Variants in WWOX observed in about 807,000 individuals in gnomAD.
WWOX encodes the protein WW domain containing oxidoreductase.
WWOX carries 69 observed loss-of-function variants against 46.2 expected under a neutral mutation model. The ratio of observed to expected loss-of-function variants is 1.49; its 90% CI spans 1.23 to 1.82. WWOX has a LOEUF of 1.82. Among genes scored for constraint, WWOX ranks in the 40% most tolerant of loss-of-function variants. The pLI, the probability that WWOX is intolerant of heterozygous loss-of-function variation, is 0.00. For missense variants in WWOX, 919 were observed against 542.6 expected, an observed-to-expected ratio of 1.69 and a Z score of -6.89; for synonymous variants, 359 against 202.6, an observed-to-expected ratio of 1.77 and a Z score of -6.56.
chr16:79,060,913 C>A (rs925738306), intron 8 of WWOX, among the ~76,000 whole-genome samples: 1 of 152,134 alleles, frequency 6.6e-6, no homozygotes, highest in Non-Finnish European at 1.5e-5. Flanking sequence ...TTCCATCCAC[C>A]CAAAAGCACT....
At chr16:78,285,897 C>G (rs147105625) in intron 5 of WWOX, among the ~76,000 whole-genome samples, 1 of 152,224 alleles carries the variant, frequency 6.6e-6, no homozygotes, top group African/African-American at 2.4e-5. Context: ...TCTTGTAAAG[C>G]CAGCCTCTTT....
chr16:78,967,621 T>G (rs2046388080), intron 8 of WWOX, among the ~76,000 whole-genome samples: 1 of 151,970 alleles, frequency 6.6e-6, no homozygotes, highest in South Asian at 2.1e-4. Context: ...ATGTAGACTT[T>G]TAAAGAAATA....
At chr16:78,290,496 G>T (rs1017758779) in intron 5 of WWOX, among the ~76,000 whole-genome samples, 5 of 152,150 alleles carry the variant, frequency 3.3e-5, no homozygotes, top group African/African-American at 9.7e-5. Context: ...TCAAACTCCT[G>T]TTGTTCGGTA....
Position 78,415,559 on chromosome 16 carries a change from C to T in WWOX, c.606-9311C>T, listed in dbSNP as rs186374365. Among the ~76,000 whole-genome samples, 13 of 152,282 alleles carry T rather than the reference C, an allele frequency of 8.5e-5. No homozygotes were observed. In the East Asian group the frequency reaches 2.3e-3, roughly 27 times the overall value. On this transcript the variant is annotated intron_variant, in intron 6 of 8. Coordinates refer to ENST00000566780, the MANE Select transcript of WWOX (RefSeq NM_016373.4). The stretch of plus-strand genomic sequence containing the variant: ...TCTGGTTTGAATGCTTCTGACAAAC[C>T]TCTGAGACTAAGGACAAGATGGAGT...
At chr16:79,118,857 C>A (rs904305300) in intron 8 of WWOX, among the ~76,000 whole-genome samples, 1 of 152,172 alleles carries the variant, frequency 6.6e-6, no homozygotes, top group African/African-American at 2.4e-5. Flanking sequence ...TTCTTAACTG[C>A]AATTCTTAGT....
rs116167381 is a variant in WWOX at position 78,755,993 on chromosome 16, C to A, written c.1056+323241C>A. Among the ~76,000 whole-genome samples the A allele has an allele frequency of 7.3e-3, 1,111 of 152,224 alleles. 10 individuals are homozygous for A. Among genetic ancestry groups the A allele is most frequent in the African/African-American group, 0.025 (1,033 of 41,542 alleles). On this transcript the variant is annotated intron_variant, in intron 8 of 8. Transcript: ENST00000566780. ...GCCTGTAAGAAATGATGGCTTTTTG[C>A]TTGTATGACCAAGTCTCTTGGAGAC...
chr16:78,966,193 G>T (rs1050536636), intron 8 of WWOX, among the ~76,000 whole-genome samples: 1 of 152,068 alleles, frequency 6.6e-6, no homozygotes, highest in Non-Finnish European at 1.5e-5. Flanking sequence ...AAATATCTCA[G>T]GAACAAAAAA....
At chr16:78,250,239 T>G (rs2037947938) in intron 5 of WWOX, among the ~76,000 whole-genome samples, 1 of 152,172 alleles carries the variant, frequency 6.6e-6, no homozygotes. Context: ...TCTGGCACAT[T>G]AGCGAGAGCT....
At chr16:78,383,132 C>T (rs1397365898) in intron 5 of WWOX, among the ~76,000 whole-genome samples, 1 of 151,350 alleles carries the variant, frequency 6.6e-6, no homozygotes, top group Non-Finnish European at 1.5e-5. Context: ...ATCCAATCAC[C>T]TCCCACCAGG....
At chr16:78,436,844 G>T (rs187815044) in intron 8 of WWOX, among the ~76,000 whole-genome samples, 4 of 152,180 alleles carry the variant, frequency 2.6e-5, no homozygotes, top group African/African-American at 9.7e-5. Context: ...CATTGCTTCC[G>T]TCAGGATAAT....
At chr16:78,231,920 T>C (rs9934879) in intron 5 of WWOX, among the ~76,000 whole-genome samples, 1,792 of 152,160 alleles carry the variant, frequency 0.012, 35 homozygotes, top group African/African-American at 0.041. Flanking sequence ...CTGCACAATA[T>C]GGAATTCAGT....
chr16:78,140,462 G>T (rs992180539), intron 4 of WWOX, among the ~76,000 whole-genome samples: 1 of 152,148 alleles, frequency 6.6e-6, no homozygotes, highest in Non-Finnish European at 1.5e-5. Flanking sequence ...GAGGCTAGAA[G>T]TCTGAAATCA....
At chr16:78,880,440 C>T (rs568712190) in intron 8 of WWOX, among the ~76,000 whole-genome samples, 4 of 152,236 alleles carry the variant, frequency 2.6e-5, no homozygotes, top group South Asian at 2.1e-4. Context: ...ATTCGGTATA[C>T]GAAAGTATAT....
chr16:78,683,278 AG>A (rs2047772697), intron 8 of WWOX, among the ~76,000 whole-genome samples: 1 of 151,538 alleles, frequency 6.6e-6, no homozygotes, highest in Admixed American at 6.6e-5. Context: ...TGGGAGGCTG[AG>A]GTGGGTGGAT....
At position 78,144,429 on chromosome 16, in the gene WWOX, C is replaced by CTATATATATATATATACGTATATATA. The variant is rs1300458731; in HGVS notation, c.410-19738_410-19737insCGTATATATATATATATATATATATA. On this transcript the variant is annotated intron_variant, in intron 4 of 8. Transcript: ENST00000566780. The stretch of plus-strand genomic sequence containing the variant: ...GGTGCAAACGTGGTTTTTGCCATTA[C>CTATATATATATATATACGTATATATA]TATATATATATATATATACACATAT... Among the ~76,000 whole-genome samples, 24 of 15,396 alleles carry CTATATATATATATATACGTATATATA rather than the reference C, an allele frequency of 1.6e-3. 3 individuals carry two copies. The highest frequency in any genetic ancestry group is 1.9e-3 in the Non-Finnish European group (17 of 8,856). The allele number at this position is 15,396 out of a possible 152,430, so 10.1% of individuals were successfully genotyped here. A position where few individuals can be genotyped will look rare whatever the true frequency, so the allele number is the denominator to read the frequency against.
At position 78,527,780 on chromosome 16, in the gene WWOX, G is replaced by C. The variant is rs535389163; in HGVS notation, c.1056+95028G>C. 7.2e-5 allele frequency among the ~76,000 whole-genome samples: 11 copies of C among 151,796 alleles called. No individual in the cohort carries two copies. In the South Asian group the frequency reaches 2.3e-3, roughly 32 times the overall value. ...GCCAGGGAATGCATGTCAATATCTG[G>C]AGACATCTGGGGTTGTCAGTTCAGG... On this transcript the variant is annotated intron_variant, in intron 8 of 8. Transcript: ENST00000566780.
At chr16:78,963,770 C>G (rs1002295677) in intron 8 of WWOX, among the ~76,000 whole-genome samples, 3 of 152,178 alleles carry the variant, frequency 2.0e-5, no homozygotes, top group African/African-American at 7.2e-5. Flanking sequence ...CTTAAAGGTG[C>G]TACTGACTTG....
At position 78,887,077 on chromosome 16, in the gene WWOX, G is replaced by GTGGT. The variant is rs1555559537; in HGVS notation, c.1057-324531_1057-324530insTGGT. On this transcript the variant is annotated intron_variant, in intron 8 of 8. Coordinates refer to ENST00000566780, the MANE Select transcript of WWOX (RefSeq NM_016373.4). ...AGTCTGGCTATATGTGTGTGTGTGT[G>GTGGT]GTGTGTGTGTGTGTGTGTGTGTGTG... 6.8e-4 allele frequency among the ~76,000 whole-genome samples: 42 copies of GTGGT among 61,374 alleles called. 1 individual carries two copies. Among genetic ancestry groups the GTGGT allele is most frequent in the African/African-American group, 1.5e-3 (33 of 21,884 alleles). 40.3% of individuals were successfully genotyped at this position (61,374 alleles called of 152,430 possible).
chr16:78,542,743 A>G (rs2043928700), intron 8 of WWOX, among the ~76,000 whole-genome samples: 1 of 152,226 alleles, frequency 6.6e-6, no homozygotes, highest in Non-Finnish European at 1.5e-5. Context: ...TTGAATCATA[A>G]TTCAATGAAT....
Sources: allele counts gnomAD v4.1 joint callset (sites outside exome capture counted in the v4.1 genomes callset), GRCh38; gene constraint gnomAD v4.1.1; transcripts MANE v1.5; gene names NCBI Gene and HGNC (gene_info 2026-07-23, HGNC 2026-07-21).